The following KCNJ6 variants were observed in gnomAD, a reference collection of about 807,000 sequenced individuals.
KCNJ6 encodes potassium inwardly rectifying channel subfamily J member 6.
Under a neutral mutation model 34.2 loss-of-function variants are expected in KCNJ6, and 9 were observed. That is an observed-to-expected ratio of 0.26 (90% confidence interval 0.16 to 0.46). KCNJ6 has a LOEUF of 0.46. Among genes scored for constraint, KCNJ6 ranks in the 20% least tolerant of loss-of-function variants. KCNJ6 has a pLI of 1.00. For missense variants in KCNJ6, 236 were observed against 531.3 expected (o/e 0.44, Z 5.46); for synonymous variants, 196 against 207.1 (o/e 0.95, Z 0.46).
intron 3 of KCNJ6, among the ~76,000 whole-genome samples, chr21:37,660,258 C>A (rs998678356): frequency 6.6e-6 from 1 of 152,326 alleles, no homozygotes; most frequent in Non-Finnish European, 1.5e-5. Flanking sequence ...CAAGAAAGGC[C>A]ATGTTTTACC....
At chr21:37,790,429 T>C (rs145524178) in intron 2 of KCNJ6, among the ~76,000 whole-genome samples, 433 of 152,332 alleles carry the variant, frequency 2.8e-3, no homozygotes, top group African/African-American at 0.01. Flanking sequence ...CAGGCAGCAA[T>C]ACCGAATACT....
chr21:37,683,484 C>T (rs1402076517), intron 3 of KCNJ6, among the ~76,000 whole-genome samples: 1 of 152,242 alleles, frequency 6.6e-6, no homozygotes, highest in Non-Finnish European at 1.5e-5. Context: ...TCTACCCTCT[C>T]TTCCTTCTTT....
At position 37,695,847 on chromosome 21, in the gene KCNJ6, A is replaced by G. The variant is rs937868629; in HGVS notation, c.946+18364T>C. Among the ~76,000 whole-genome samples, 5 of 152,222 alleles carry G rather than the reference A, an allele frequency of 3.3e-5. No individual in the cohort carries two copies. The highest frequency in any genetic ancestry group is 2.6e-4 in the Admixed American group (4 of 15,280). On this transcript the variant is annotated intron_variant, in intron 3 of 3. Coordinates refer to ENST00000609713, the MANE Select transcript of KCNJ6 (RefSeq NM_002240.5). The surrounding 1 kb of genome is among the most constrained non-coding windows in gnomAD (Gnocchi z 4.2). ...GTCTGACTCCAGAGCTGGAGCTGAAAAAGTCCAAGGTGAGCCTGTAACATC... is the reference window on the plus strand; with the variant it reads ...GTCTGACTCCAGAGCTGGAGCTGAAGAAGTCCAAGGTGAGCCTGTAACATC...
intron 2 of KCNJ6, among the ~76,000 whole-genome samples, chr21:37,735,860 A>T (rs960430158): frequency 2.0e-5 from 3 of 152,182 alleles, no homozygotes; most frequent in Non-Finnish European, 4.4e-5. Context: ...AGAAAGAAAC[A>T]CAATCAAACG....
intron 2 of KCNJ6, among the ~76,000 whole-genome samples, chr21:37,817,921 A>G (rs2055354322): frequency 6.6e-6 from 1 of 152,064 alleles, no homozygotes. Flanking sequence ...CAGTTTTCCA[A>G]ATTATTTGGT....
chr21:37,666,748 GTTACTGT>G, intron 3 of KCNJ6, among the ~76,000 whole-genome samples: 1 of 151,932 alleles, frequency 6.6e-6, no homozygotes, highest in Non-Finnish European at 1.5e-5. Context: ...AGATCAGATT[GTTACTGT>G]GTCTGTGTAG....
chr21:37,837,687 T>C (rs1184258399), intron 2 of KCNJ6, among the ~76,000 whole-genome samples: 2 of 150,948 alleles, frequency 1.3e-5, no homozygotes, highest in Non-Finnish European at 2.9e-5. Context: ...CATAGCATTG[T>C]GTTTTGGGTA....
chr21:37,898,318 T>C (rs1401313171), intron 1 of KCNJ6, among the ~76,000 whole-genome samples: 1 of 152,194 alleles, frequency 6.6e-6, no homozygotes, highest in Non-Finnish European at 1.5e-5. Context: ...TTTCATTTCT[T>C]TTAAATTTCA....
chr21:37,858,208 G>A (rs1028195478), intron 1 of KCNJ6, among the ~76,000 whole-genome samples: 6 of 151,810 alleles, frequency 4.0e-5, no homozygotes, highest in Admixed American at 2.0e-4. Flanking sequence ...TGGATAACAC[G>A]GTGAAACCCC....
chr21:37,744,523 G>C (rs2054957484), intron 2 of KCNJ6, among the ~76,000 whole-genome samples: 1 of 152,104 alleles, frequency 6.6e-6, no homozygotes, highest in East Asian at 1.9e-4. Flanking sequence ...GAGGAGAAAA[G>C]GGCAACAAAA....
Position 37,714,971 on chromosome 21 carries a change from C to G in KCNJ6, c.186G>C (p.Lys62Asn). ...TCACGTTGCCGTGATGAACATTGCACTTTCCGTCTTTCCTCACGTACCTCT... is the reference window on the plus strand; with the variant it reads ...TCACGTTGCCGTGATGAACATTGCAGTTTCCGTCTTTCCTCACGTACCTCT... ...KIQRYVRKDG[K>N]CNVHHGNVRE... Residue 62 changes from lysine to asparagine, a missense_variant, in exon 3 of 4, where the codon AAG becomes AAC. This residue lies in a region of KCNJ6 where 68 missense variants were observed against 165.7 expected (regional missense o/e 0.41). Coordinates refer to ENST00000609713, the MANE Select transcript of KCNJ6 (RefSeq NM_002240.5). This position sits in a 1 kb window ranked among gnomAD's most constrained non-coding sequence, Gnocchi z 5.9. The G allele has an allele frequency of 2.5e-6, 4 of 1,614,212 alleles. No individual in the cohort carries two copies. The highest frequency in any genetic ancestry group is 3.4e-6 in the Non-Finnish European group (4 of 1,180,040).
rs757169708 is a variant in KCNJ6, at chr21:37,714,193, G to C, written c.946+18C>G. 6.3e-7 allele frequency: 1 copy of C among 1,584,342 alleles called. No individual in the cohort carries two copies. The highest frequency in any genetic ancestry group is 1.7e-5 in the Admixed American group (1 of 59,666). ...GAGCATCTATCCCACAGCCATCCCAGGATAGAACACATCTTACCTGTGGCT... is the reference window on the plus strand; with the variant it reads ...GAGCATCTATCCCACAGCCATCCCACGATAGAACACATCTTACCTGTGGCT... On this transcript the variant is annotated intron_variant, in intron 3 of 3. Coordinates refer to ENST00000609713, the MANE Select transcript of KCNJ6 (RefSeq NM_002240.5). The surrounding 1 kb of genome is among the most constrained non-coding windows in gnomAD (Gnocchi z 5.9).
intron 1 of KCNJ6, among the ~76,000 whole-genome samples, chr21:37,862,727 AT>A (rs540513866): frequency 6.6e-6 from 1 of 152,240 alleles, no homozygotes; most frequent in Non-Finnish European, 1.5e-5. Flanking sequence ...AGTTGAACAC[AT>A]TCTGGCAGTT....
intron 1 of KCNJ6, among the ~76,000 whole-genome samples, chr21:37,855,630 GAAGTC>G (rs1484064283): frequency 6.6e-6 from 1 of 152,182 alleles, no homozygotes; most frequent in East Asian, 1.9e-4. Flanking sequence ...TCAGAAGGCA[GAAGTC>G]AAGAATGACT....
At chr21:37,661,620 T>C (rs2054489172) in intron 3 of KCNJ6, among the ~76,000 whole-genome samples, 3 of 121,110 alleles carry the variant, frequency 2.5e-5, no homozygotes, top group African/African-American at 9.7e-5. Flanking sequence ...CATAGTTTTT[T>C]TTTTTTTTTT....
chr21:37,650,420 G>T (rs2054427740), intron 3 of KCNJ6, among the ~76,000 whole-genome samples: 3 of 152,162 alleles, frequency 2.0e-5, no homozygotes, highest in Admixed American at 2.0e-4. Context: ...GTTGTTGTCA[G>T]GTGCACATAT....
At chr21:37,769,898 C>G in intron 2 of KCNJ6, among the ~76,000 whole-genome samples, 1 of 152,056 alleles carries the variant, frequency 6.6e-6, no homozygotes, top group East Asian at 1.9e-4. Context: ...AGTGTTCCTC[C>G]CCTCCAGAGA....
At chr21:37,637,189 A>C (rs1480101056) in intron 3 of KCNJ6, among the ~76,000 whole-genome samples, 1 of 152,228 alleles carries the variant, frequency 6.6e-6, no homozygotes, top group Non-Finnish European at 1.5e-5. Flanking sequence ...AGTGTCAAAA[A>C]GAAGCAGGAT....
At chr21:37,667,527 G>A (rs1035760731) in intron 3 of KCNJ6, among the ~76,000 whole-genome samples, 1 of 151,444 alleles carries the variant, frequency 6.6e-6, no homozygotes, top group African/African-American at 2.4e-5. Context: ...GGGCGCCGGG[G>A]TAGCGGGGTC....
Sources: gnomAD v4.1 joint callset for allele counts (sites outside exome capture counted in the v4.1 genomes callset) on GRCh38, gnomAD v4.1.1 for gene constraint, gnomAD v4.1.1 regional missense constraint, Gnocchi (gnomAD v3.1) non-coding constraint, MANE v1.5 for transcripts, NCBI Gene and HGNC (gene_info 2026-07-23, HGNC 2026-07-21) for gene names.